SESTD1: variants seen among roughly 807,000 people sequenced by gnomAD.
SESTD1 encodes the protein SEC14 domain and spectrin repeat-containing protein 1.
Under a neutral mutation model 101.7 loss-of-function variants are expected in SESTD1, and 43 were observed. That is an observed-to-expected ratio of 0.42 (90% confidence interval 0.33 to 0.55). The LOEUF (loss-of-function observed/expected upper bound fraction) is 0.55. Ranked by LOEUF, SESTD1 falls within the 20% of genes least tolerant of loss-of-function variation. The pLI, the probability that SESTD1 is intolerant of heterozygous loss-of-function variation, is 0.07. For missense variants in SESTD1, 647 were observed against 815.1 expected (o/e 0.79, Z 2.51); for synonymous variants, 283 against 286.8 (o/e 0.99, Z 0.13).
In SESTD1 at chr2:179,203,232, C is replaced by G. The variant is rs560524345; in HGVS notation, c.-25-11366G>C. On this transcript the variant is annotated intron_variant, in intron 1 of 17. Transcript: ENST00000428443. ...AGCCCCCACCTCTTGGCAGACAACCCTTTCTCTGCTGTGCTGCCCATTGCA... is the reference window on the plus strand; with the variant it reads ...AGCCCCCACCTCTTGGCAGACAACCGTTTCTCTGCTGTGCTGCCCATTGCA... 2.2e-5 allele frequency among the ~76,000 whole-genome samples: 3 copies of G among 135,168 alleles called. No homozygotes were observed. In the South Asian group the frequency reaches 8.5e-4, roughly 38 times the overall value. 88.7% of individuals were successfully genotyped at this position (135,168 alleles called of 152,430 possible).
intron 4 of SESTD1, among the ~76,000 whole-genome samples, chr2:179,175,882 T>C (rs1200545949): frequency 7.9e-5 from 12 of 152,324 alleles, no homozygotes; most frequent in African/African-American, 2.9e-4. Context: ...ATCGTAGATG[T>C]TTATTAAATG....
chr2:179,154,100 G>A (rs1292120227), intron 5 of SESTD1, among the ~76,000 whole-genome samples: 1 of 144,634 alleles, frequency 6.9e-6, no homozygotes, highest in Non-Finnish European at 1.5e-5. Context: ...AAAAAAAAAG[G>A]TGTGTACTTG....
intron 1 of SESTD1, among the ~76,000 whole-genome samples, chr2:179,218,153 C>T (rs1559148051): frequency 6.6e-6 from 1 of 152,046 alleles, no homozygotes; most frequent in Non-Finnish European, 1.5e-5. Context: ...TAAAAAATAA[C>T]ATAAACATAC....
At chr2:179,249,113 A>G (rs930694632) in intron 1 of SESTD1, among the ~76,000 whole-genome samples, 4 of 150,524 alleles carry the variant, frequency 2.7e-5, no homozygotes, top group African/African-American at 4.9e-5. Context: ...AAAAAAAAAA[A>G]GCATGGCAAG....
At chr2:179,252,946 C>T (rs146593791) in intron 1 of SESTD1, among the ~76,000 whole-genome samples, 1 of 152,076 alleles carries the variant, frequency 6.6e-6, no homozygotes, top group Admixed American at 6.6e-5. Flanking sequence ...CCCTTCCAAC[C>T]CCCAGGAATC....
chr2:179,169,096 T>G (rs1321601904), intron 5 of SESTD1, among the ~76,000 whole-genome samples: 3 of 152,102 alleles, frequency 2.0e-5, no homozygotes, highest in Non-Finnish European at 4.4e-5. Flanking sequence ...GATGGTAGAT[T>G]TTATAAACTA....
chr2:179,242,328 T>C (rs1430197539), intron 1 of SESTD1, among the ~76,000 whole-genome samples: 2 of 152,118 alleles, frequency 1.3e-5, no homozygotes, highest in African/African-American at 2.4e-5. Flanking sequence ...AGAGAACTAA[T>C]GGAAAAACAT....
intron 9 of SESTD1, among the ~76,000 whole-genome samples, chr2:179,139,658 C>T (rs2045233688): frequency 6.6e-6 from 1 of 152,184 alleles, no homozygotes; most frequent in African/African-American, 2.4e-5. Context: ...GACAAAACTA[C>T]TGTGCCAGTT....
intron 5 of SESTD1, among the ~76,000 whole-genome samples, chr2:179,157,991 G>C (rs2045663110): frequency 1.3e-5 from 2 of 152,036 alleles, no homozygotes; most frequent in South Asian, 4.1e-4. Flanking sequence ...AGGGCCAAAG[G>C]CTTTACTAGA....
intron 2 of SESTD1, among the ~76,000 whole-genome samples, chr2:179,189,512 A>T (rs1243618998): frequency 2.0e-5 from 3 of 152,214 alleles, no homozygotes; most frequent in Non-Finnish European, 4.4e-5. Context: ...AACTGGAAAA[A>T]AACAAGGATA....
intron 8 of SESTD1, among the ~76,000 whole-genome samples, chr2:179,145,782 G>T (rs1472100449): frequency 6.6e-6 from 1 of 152,128 alleles, no homozygotes; most frequent in Non-Finnish European, 1.5e-5. Context: ...GCTTCCTGCA[G>T]TACAAAATAG....
chr2:179,258,069 C>T lies in SESTD1; in HGVS notation c.-26+6430G>A, dbSNP rs530024226. 2.6e-4 allele frequency among the ~76,000 whole-genome samples: 40 copies of T among 152,304 alleles called. No individual in the cohort carries two copies. The South Asian group carries it at 7.7e-3, about 29-fold the overall frequency. On this transcript the variant is annotated intron_variant, in intron 1 of 17. Coordinates refer to ENST00000428443, the MANE Select transcript of SESTD1 (RefSeq NM_178123.5). ...TCTTTATTCTTTTACTCAGTTTCTTCCTTCATTGCCTCCCTAATCAGATTA... is the reference window on the plus strand; with the variant it reads ...TCTTTATTCTTTTACTCAGTTTCTTTCTTCATTGCCTCCCTAATCAGATTA...
chr2:179,188,889 GC>G (rs996222148), intron 2 of SESTD1, among the ~76,000 whole-genome samples: 2 of 151,958 alleles, frequency 1.3e-5, no homozygotes, highest in African/African-American at 2.4e-5. Context: ...AGAAACTGAA[GC>G]CCTCAACAGC....
chr2:179,232,624 T>C (rs930693386), intron 1 of SESTD1, among the ~76,000 whole-genome samples: 7 of 152,014 alleles, frequency 4.6e-5, no homozygotes, highest in African/African-American at 1.7e-4. Flanking sequence ...TGTCCACAAA[T>C]GGGAAAGTGA....
chr2:179,161,821 T>C (rs1234234639), intron 5 of SESTD1, among the ~76,000 whole-genome samples: 1 of 152,146 alleles, frequency 6.6e-6, no homozygotes, highest in Non-Finnish European at 1.5e-5. Context: ...TGAGAAAAAG[T>C]TTGCAGTCCT....
chr2:179,245,084 G>A (rs988449417), intron 1 of SESTD1, among the ~76,000 whole-genome samples: 5 of 152,204 alleles, frequency 3.3e-5, no homozygotes, highest in African/African-American at 7.2e-5. Context: ...TGCTGGGTAT[G>A]GTGGCTCATG....
chr2:179,144,281 T>C (rs2045348351), intron 8 of SESTD1, among the ~76,000 whole-genome samples: 1 of 152,056 alleles, frequency 6.6e-6, no homozygotes, highest in African/African-American at 2.4e-5. Context: ...TTAATCCATA[T>C]TCTCAATCAC....
At chr2:179,172,263 T>A in intron 4 of SESTD1, 30 bp from the exon 5 acceptor site, 1 of 1,402,182 alleles carries the variant, frequency 7.1e-7, no homozygotes, top group Non-Finnish European at 1.0e-6. Flanking sequence ...AATTACAAAT[T>A]ACACATGTAA....
At chr2:179,182,462 T>C (rs1051987622) in intron 3 of SESTD1, among the ~76,000 whole-genome samples, 1 of 152,148 alleles carries the variant, frequency 6.6e-6, no homozygotes. Flanking sequence ...AATCTCCAGA[T>C]GACTAATACG....
Sources: allele counts gnomAD v4.1 joint callset (sites outside exome capture counted in the v4.1 genomes callset), GRCh38; gene constraint gnomAD v4.1.1; transcripts MANE v1.5; gene names NCBI Gene and HGNC (gene_info 2026-07-23, HGNC 2026-07-21).